The following CFAP65 variants were observed in gnomAD, a reference collection of about 807,000 sequenced individuals.
CFAP65 encodes the protein cilia- and flagella-associated protein 65.
Under a neutral mutation model 208.0 loss-of-function variants are expected in CFAP65, and 155 were observed. The ratio of observed to expected loss-of-function variants is 0.75; its 90% CI spans 0.65 to 0.85. The LOEUF (loss-of-function observed/expected upper bound fraction) is 0.85, where lower values mean the gene tolerates loss of function less well. Ranked by LOEUF, CFAP65 falls within the 40% of genes least tolerant of loss-of-function variation. CFAP65 has a pLI of 0.00. For missense variants in CFAP65, 2,294 were observed against 2,451.3 expected (o/e 0.94, Z 1.36); for synonymous variants, 970 against 986.3 (o/e 0.98, Z 0.31).
intron 24 of CFAP65, among the ~76,000 whole-genome samples, chr2:219,012,147 C>T (rs1471520683): frequency 6.6e-6 from 1 of 152,156 alleles, no homozygotes; most frequent in Non-Finnish European, 1.5e-5. Context: ...AATTAAATTA[C>T]AATAAATTAT....
Position 219,038,504 on chromosome 2 carries a change from C to T in CFAP65, c.228G>A (p.Val76=), listed in dbSNP as rs1275502919. Residue 76 remains valine (V), a synonymous_variant, in exon 4 of 35, where the codon GTG becomes GTA. Coordinates refer to ENST00000341552, the MANE Select transcript of CFAP65 (RefSeq NM_194302.4). The stretch of plus-strand genomic sequence containing the variant: ...TGTGGTTCCTGCTGTTCCTGGACCT[C>T]ACGACGGAGCTTGGAGCCTGGGTGA... ...MMLTQAPSSV[V]RSRNSRNHTV... 6 of 1,614,054 alleles carry T rather than the reference C, an allele frequency of 3.7e-6. No homozygotes were observed. Among genetic ancestry groups the T allele is most frequent in the Non-Finnish European group, 5.1e-6 (6 of 1,180,060 alleles).
At chr2:219,022,039 A>C (rs2106175346) in intron 17 of CFAP65, 109 bp from the exon 18 acceptor site, 1 of 1,540,034 alleles carries the variant, frequency 6.5e-7, no homozygotes, top group South Asian at 1.2e-5. Flanking sequence ...AGTTTGGGGT[A>C]TCCGGGGCAG....
rs763888193 is a variant in CFAP65 at position 219,021,132 on chromosome 2, A to G, written c.3259+20T>C. On this transcript the variant is annotated intron_variant, in intron 19 of 34. Coordinates refer to ENST00000341552, the MANE Select transcript of CFAP65 (RefSeq NM_194302.4). ...TGCATTTCCCCGGCCCCGACTCTCT[A>G]TGCCAGGCAGTCTAGGTACCTCTGT... is the stretch of plus-strand genomic sequence containing the variant. 23 of 1,505,040 alleles carry G rather than the reference A, an allele frequency of 1.5e-5. No homozygotes were observed. In the South Asian group the frequency reaches 2.9e-4, roughly 19 times the overall value. The allele number at this position is 1,505,040 out of a possible 1,614,324, so 93.2% of individuals were successfully genotyped here.
chr2:219,024,282 A>G (rs1559143177), intron 14 of CFAP65, 22 bp from the exon 15 acceptor site: 2 of 1,600,580 alleles, frequency 1.2e-6, no homozygotes, highest in East Asian at 4.5e-5. Context: ...AGAGGAGGAA[A>G]GCGGCCCCCC....
chr2:219,008,923 G>A (rs1313458894), intron 29 of CFAP65, 124 bp downstream of exon 29: 1 of 700,814 alleles, frequency 1.4e-6, no homozygotes, highest in Non-Finnish European at 2.5e-6. Flanking sequence ...TGAATGAAAT[G>A]TAATCTCTTA....
chr2:219,028,181 A>G lies in CFAP65; in HGVS notation c.1851+20T>C. The G allele has an allele frequency of 6.2e-7, 1 of 1,612,126 alleles. No homozygotes were observed. The highest frequency in any genetic ancestry group is 8.5e-7 in the Non-Finnish European group (1 of 1,178,628). On this transcript the variant is annotated intron_variant, in intron 12 of 34. Transcript: ENST00000341552. ...AAGAATCACTAGAGAAGGGATATGC[A>G]GCTGGGGAGGGCACTGTACCTGGAT...
chr2:219,019,199 G>A lies in CFAP65; in HGVS notation c.3474-20C>T. ...CTCATGCTGTGAGGAACAGAGAAAGGGGTTCAGAGATGGGGATGGGGCCAG... is the reference window on the plus strand; with the variant it reads ...CTCATGCTGTGAGGAACAGAGAAAGAGGTTCAGAGATGGGGATGGGGCCAG... On this transcript the variant is annotated intron_variant, in intron 20 of 34. Transcript: ENST00000341552. The A allele has an allele frequency of 1.2e-6, 2 of 1,601,572 alleles. No individual in the cohort carries two copies. Among genetic ancestry groups the A allele is most frequent in the South Asian group, 1.1e-5 (1 of 88,964 alleles).
rs569692735 is a variant in CFAP65 at position 219,033,045 on chromosome 2, C to G, written c.543-473G>C. On this transcript the variant is annotated intron_variant, in intron 5 of 34. Transcript: ENST00000341552. ...CAATGACATTGTCAGCAACTTTACA[C>G]CAACAAATGTTTAAATTTAGATGAA... Among the ~76,000 whole-genome samples the G allele has an allele frequency of 1.4e-3, 210 of 152,206 alleles. 1 individual carries two copies. The highest frequency in any genetic ancestry group is 4.9e-3 in the African/African-American group (203 of 41,510).
In CFAP65 at chr2:219,024,193, T is replaced by C; in HGVS notation, c.2417A>G (p.Lys806Arg). 6.2e-7 allele frequency: 1 copy of C among 1,613,902 alleles called. No homozygotes were observed. The highest frequency in any genetic ancestry group is 8.5e-7 in the Non-Finnish European group (1 of 1,180,032). The stretch of plus-strand genomic sequence containing the variant: ...GGGGGCCAGGCTGAAGGTCAGCAGC[T>C]TGCAGTCTTTGTTGACCAGGAGCAG... Reference protein sequence around the residue: ...RSLLLVNKDCKLLTFSLAPQR... With the variant: ...RSLLLVNKDCRLLTFSLAPQR... The change falls in exon 15 of 35, where the codon AAG (lysine) becomes AGG (arginine). Residue 806 changes from lysine (K) to arginine (R), a missense_variant. By Grantham distance (26) the Lys-to-Arg change is conservative (BLOSUM62 2). This residue lies in a region of CFAP65 where 1,427 missense variants were observed against 1,438.7 expected (regional missense o/e 0.99). Transcript: ENST00000341552.
Position 219,019,545 on chromosome 2 carries a change from G to C in CFAP65, c.3434C>G (p.Thr1145Ser), listed in dbSNP as rs1559135436. The C allele has an allele frequency of 5.0e-6, 8 of 1,613,120 alleles. No individual in the cohort carries two copies. Among genetic ancestry groups the C allele is most frequent in the Non-Finnish European group, 6.8e-6 (8 of 1,180,028 alleles). Reference sequence around the variant, plus strand: ...CACCTTGTAGGTGAGCTCACAGGGGGTGGGGTCACGCTCCAAGTAACTGTT... The same window carrying C: ...CACCTTGTAGGTGAGCTCACAGGGGCTGGGGTCACGCTCCAAGTAACTGTT... ...LLNSYLERDP[T>S]PCELTYKVPT... is the part of the protein sequence containing the mutation. The change falls in exon 20 of 35, where the codon ACC (threonine) becomes AGC (serine). Residue 1145 changes from threonine (T) to serine (S), a missense_variant. By Grantham distance (58) the Thr-to-Ser change is moderately conservative. This residue lies in a region of CFAP65 where 1,427 missense variants were observed against 1,438.7 expected (regional missense o/e 0.99). Coordinates refer to ENST00000341552, the MANE Select transcript of CFAP65 (RefSeq NM_194302.4).
At position 219,028,399 on chromosome 2, in the gene CFAP65, G is replaced by T. The variant is rs1442096182; in HGVS notation, c.1653C>A (p.Asp551Glu). The change falls in exon 12 of 35, where the codon GAC becomes GAA. Residue 551 changes from aspartate to glutamate, a missense_variant and splice_region_variant. Asp to Glu is a conservative substitution (Grantham distance 45, BLOSUM62 2). Transcript: ENST00000341552. ...TCCCCATCAGGTCCAGGAACAGTGGGTCCTGTGACATTTGTCTGTGTGTGG... is the reference window on the plus strand; with the variant it reads ...TCCCCATCAGGTCCAGGAACAGTGGTTCCTGTGACATTTGTCTGTGTGTGG... ...RRVACLIHHQ[D>E]PLFLDLMGTC... 1 of 1,612,296 alleles carries T rather than the reference G, an allele frequency of 6.2e-7. No homozygotes were observed. The highest frequency in any genetic ancestry group is 1.7e-5 in the Admixed American group (1 of 59,952).
At chr2:219,039,381 A>G (rs770021644) in intron 2 of CFAP65, among the ~76,000 whole-genome samples, 54 of 152,152 alleles carry the variant, frequency 3.5e-4, no homozygotes, top group Non-Finnish European at 7.2e-4. Context: ...TGTTACCTCG[A>G]CAAAAGGACA....
At chr2:219,035,277 G>T in intron 5 of CFAP65, 1 of 1,467,868 alleles carries the variant, frequency 6.8e-7, no homozygotes, top group Non-Finnish European at 9.1e-7. Context: ...TTATGGTACA[G>T]GCACACATTG....
chr2:219,030,650 G>A lies in CFAP65; in HGVS notation c.1161+39C>T, dbSNP rs369212616. On this transcript the variant is annotated intron_variant, in intron 9 of 34. Coordinates refer to ENST00000341552, the MANE Select transcript of CFAP65 (RefSeq NM_194302.4). Reference sequence around the variant, plus strand: ...GTGATTTTAGGAAATTCCAATCCTGGGGGCGTGAGTCCTGCCGCCCCTCCT... The same window carrying A: ...GTGATTTTAGGAAATTCCAATCCTGAGGGCGTGAGTCCTGCCGCCCCTCCT... 16 of 1,596,972 alleles carry A rather than the reference G, an allele frequency of 1.0e-5. No individual in the cohort carries two copies. In the African/African-American group the frequency reaches 2.0e-4, roughly 20 times the overall value.
intron 10 of CFAP65, 49 bp from the exon 11 acceptor site, chr2:219,029,717 A>T (rs1014806209): frequency 6.3e-7 from 1 of 1,588,288 alleles, no homozygotes; most frequent in African/African-American, 1.3e-5. Context: ...ATCTTAGACA[A>T]AGTTCCACTG....
rs1948424401 is a variant in CFAP65 at position 219,037,315 on chromosome 2, C to T, written c.357+1060G>A. On this transcript the variant is annotated intron_variant, in intron 4 of 34. Transcript: ENST00000341552. ...GCTGAGGCAGCAGAATCGCTTAAAC[C>T]CCGGAGGCGGAGGTTGCAGTGAGCT... Among the ~76,000 whole-genome samples, 3 of 152,218 alleles carry T rather than the reference C, an allele frequency of 2.0e-5. No individual in the cohort carries two copies. In the South Asian group the frequency reaches 6.2e-4, roughly 31 times the overall value.
intron 8 of CFAP65, 77 bp from the exon 9 acceptor site, chr2:219,030,911 G>A (rs1486674802): frequency 1.3e-6 from 2 of 1,539,460 alleles, no homozygotes; most frequent in African/African-American, 1.4e-5. Context: ...CCTCGAAGAA[G>A]GCAGGTGGCC....
chr2:219,024,689 C>T (rs1043214510), intron 14 of CFAP65, among the ~76,000 whole-genome samples: 3 of 152,198 alleles, frequency 2.0e-5, no homozygotes, highest in African/African-American at 4.8e-5. Flanking sequence ...GTAATCCCAG[C>T]ACTCCGGGAG....
intron 13 of CFAP65, 48 bp downstream of exon 13, chr2:219,027,602 G>A: frequency 1.2e-6 from 2 of 1,613,186 alleles, no homozygotes; most frequent in Non-Finnish European, 1.7e-6. Flanking sequence ...AGCCACTCAG[G>A]CTCCTAGCAG....
Sources: gnomAD v4.1 joint callset for allele counts (sites outside exome capture counted in the v4.1 genomes callset) on GRCh38, gnomAD v4.1.1 for gene constraint, gnomAD v4.1.1 regional missense constraint, MANE v1.5 for transcripts, NCBI Gene and HGNC (gene_info 2026-07-23, HGNC 2026-07-21) for gene names.